The following HEATR5B variants were observed in gnomAD, a reference collection of about 807,000 sequenced individuals.
The protein encoded by HEATR5B is HEAT repeat containing 5B.
Under a neutral mutation model 224.1 loss-of-function variants are expected in HEATR5B, and 156 were observed. That is an observed-to-expected ratio of 0.70 (90% CI 0.61 to 0.80). The LOEUF is 0.80. Ranked by LOEUF, HEATR5B falls within the 30% of genes least tolerant of loss-of-function variation. The probability of loss-of-function intolerance (pLI) is 0.00; values close to 1 mark genes in which losing one functional copy is unlikely to be tolerated. For missense variants in HEATR5B, 2,323 were observed against 2,535.5 expected (o/e 0.92, Z 1.80); for synonymous variants, 1,027 against 893.0 (o/e 1.15, Z -2.68).
chr2:36,982,149 G>A (rs1408584342), intron 35 of HEATR5B, among the ~76,000 whole-genome samples: 1 of 152,060 alleles, frequency 6.6e-6, no homozygotes, highest in Non-Finnish European at 1.5e-5. Context: ...GGAGATTGGA[G>A]TGAGGAACAG....
intron 33 of HEATR5B, among the ~76,000 whole-genome samples, chr2:36,998,263 T>G (rs988043653): frequency 6.6e-6 from 1 of 152,218 alleles, no homozygotes; most frequent in African/African-American, 2.4e-5. Context: ...AACACAAAAA[T>G]GTAAGCATTT....
intron 11 of HEATR5B, among the ~76,000 whole-genome samples, chr2:37,061,024 G>A (rs1303341699): frequency 2.0e-5 from 3 of 151,990 alleles, no homozygotes; most frequent in African/African-American, 7.2e-5. Flanking sequence ...AATTTTTAAA[G>A]GATAACCCAA....
chr2:37,059,075 G>A, intron 12 of HEATR5B, 88 bp from the exon 13 acceptor site: 3 of 743,560 alleles, frequency 4.0e-6, no homozygotes, highest in Non-Finnish European at 6.5e-6. Flanking sequence ...AAAGGCAGTT[G>A]TAATACTTAA....
intron 32 of HEATR5B, among the ~76,000 whole-genome samples, 158 bp downstream of exon 32, chr2:37,002,148 C>G (rs181515090): frequency 6.6e-6 from 1 of 152,258 alleles, no homozygotes; most frequent in African/African-American, 2.4e-5. Context: ...TCTTCATAGG[C>G]TCCTAAAGGT....
chr2:37,021,510 G>A (rs1668454655), intron 24 of HEATR5B, among the ~76,000 whole-genome samples: 1 of 152,170 alleles, frequency 6.6e-6, no homozygotes, highest in African/African-American at 2.4e-5. Context: ...ATGACAAGAT[G>A]AGAAATCATC....
chr2:36,989,206 C>T (rs542789006), intron 34 of HEATR5B, among the ~76,000 whole-genome samples: 63 of 152,290 alleles, frequency 4.1e-4, no homozygotes, highest in African/African-American at 1.1e-3. Flanking sequence ...CTGCCTCAGC[C>T]TCCCAAGTAG....
chr2:36,986,696 C>T (rs1665969850), intron 35 of HEATR5B, among the ~76,000 whole-genome samples: 1 of 152,172 alleles, frequency 6.6e-6, no homozygotes, highest in South Asian at 2.1e-4. Context: ...CAGCTCACTG[C>T]AACCTCCGCC....
At chr2:37,068,581 A>G in intron 8 of HEATR5B, 100 bp downstream of exon 8, 2 of 1,271,776 alleles carry the variant, frequency 1.6e-6, no homozygotes, top group Non-Finnish European at 2.2e-6. Context: ...GAAAACACAC[A>G]GAAAGATAAA....
intron 33 of HEATR5B, among the ~76,000 whole-genome samples, chr2:36,997,074 G>A (rs1012974637): frequency 2.0e-5 from 3 of 152,078 alleles, no homozygotes. Flanking sequence ...AGAACTCTTT[G>A]TATATTAATG....
In HEATR5B at chr2:37,058,910, A is replaced by T; in HGVS notation, c.1927T>A (p.Cys643Ser). 1 of 1,607,130 alleles carries T rather than the reference A, an allele frequency of 6.2e-7. No homozygotes were observed. The highest frequency in any genetic ancestry group is 8.5e-7 in the Non-Finnish European group (1 of 1,175,428). ...TACTGTGACATCATAGTCATGGCACATTCAATAGGGGTCATCAATTTTCGA... is the reference window on the plus strand; with the variant it reads ...TACTGTGACATCATAGTCATGGCACTTTCAATAGGGGTCATCAATTTTCGA... Reference protein sequence around the residue: ...VIRKLMTPIECAMTMMSHIPS... With the variant: ...VIRKLMTPIESAMTMMSHIPS... Residue 643 changes from cysteine to serine, a missense_variant, in exon 13 of 36, where the codon TGT (cysteine) becomes AGT (serine). Physicochemically the swap from Cys to Ser is moderately radical, Grantham distance 112. Transcript: ENST00000233099.
chr2:37,069,182 G>A, intron 7 of HEATR5B, among the ~76,000 whole-genome samples: 1 of 152,212 alleles, frequency 6.6e-6, no homozygotes, highest in Admixed American at 6.5e-5. Context: ...CAGTGAGAGG[G>A]AAGGGAAGCT....
At chr2:37,006,532 T>G (rs751156100) in intron 29 of HEATR5B, among the ~76,000 whole-genome samples, 5 of 152,116 alleles carry the variant, frequency 3.3e-5, no homozygotes, top group Non-Finnish European at 5.9e-5. Context: ...TCCCAGCTAC[T>G]TGGGAGGCTG....
intron 2 of HEATR5B, among the ~76,000 whole-genome samples, chr2:37,082,318 G>A (rs1278677146): frequency 2.6e-5 from 4 of 151,970 alleles, no homozygotes; most frequent in Non-Finnish European, 5.9e-5. Flanking sequence ...GACCTCAGGT[G>A]ATCCACCCAC....
Position 37,067,495 on chromosome 2 carries a change from G to A in HEATR5B, c.1177+1186C>T, listed in dbSNP as rs992211702. On this transcript the variant is annotated intron_variant, in intron 8 of 35. Transcript: ENST00000233099. ...TTTAAAACTAGTTTACTGGCTGGGC[G>A]TGGTGGCTCATACCTGTAATCCCAG... Among the ~76,000 whole-genome samples, 7 of 152,100 alleles carry A rather than the reference G, an allele frequency of 4.6e-5. No individual in the cohort carries two copies. In the East Asian group the frequency reaches 7.7e-4, roughly 17 times the overall value.
intron 20 of HEATR5B, among the ~76,000 whole-genome samples, chr2:37,039,359 A>T (rs1050995916): frequency 6.6e-6 from 1 of 152,064 alleles, no homozygotes; most frequent in South Asian, 2.1e-4. Flanking sequence ...CCAGCTACTC[A>T]GGAGGCTGAG....
intron 16 of HEATR5B, among the ~76,000 whole-genome samples, chr2:37,054,726 G>A (rs1191811286): frequency 3.3e-5 from 5 of 152,020 alleles, no homozygotes; most frequent in Non-Finnish European, 5.9e-5. Flanking sequence ...CAGGTGATCT[G>A]CCCACCTTTG....
intron 33 of HEATR5B, among the ~76,000 whole-genome samples, chr2:36,998,327 G>C (rs77076368): frequency 0.023 from 3,431 of 152,222 alleles, 132 homozygotes; most frequent in African/African-American, 0.079. Context: ...AAGAAAATGA[G>C]TAATGCAAAT....
intron 35 of HEATR5B, among the ~76,000 whole-genome samples, chr2:36,984,516 C>T (rs1181919637): frequency 2.0e-5 from 3 of 151,300 alleles, no homozygotes; most frequent in African/African-American, 4.9e-5. Context: ...AGGGTAAAAT[C>T]GGAGTGAGCT....
chr2:37,074,381 AC>A (rs1672104410), intron 5 of HEATR5B, among the ~76,000 whole-genome samples: 2 of 151,974 alleles, frequency 1.3e-5, no homozygotes, highest in South Asian at 2.1e-4. Context: ...GAAAAAAAAA[AC>A]AAAAAATTTT....
Sources: allele counts gnomAD v4.1 joint callset (sites outside exome capture counted in the v4.1 genomes callset), GRCh38; gene constraint gnomAD v4.1.1; transcripts MANE v1.5; gene names NCBI Gene and HGNC (gene_info 2026-07-23, HGNC 2026-07-21).